DOCK3: variants seen among roughly 807,000 people sequenced by gnomAD.
DOCK3 encodes the protein dedicator of cytokinesis protein 3.
A neutral mutation model predicts 265.6 loss-of-function variants in DOCK3; 60 were observed. That is an observed-to-expected ratio of 0.23 (90% CI 0.18 to 0.28). The LOEUF (loss-of-function observed/expected upper bound fraction) is 0.28. Among genes scored for constraint, DOCK3 ranks in the 10% least tolerant of loss-of-function variants. The pLI is 1.00. For missense variants in DOCK3, 1,981 were observed against 2,594.3 expected, an observed-to-expected ratio of 0.76 and a Z score of 5.14; for synonymous variants, 881 against 938.0, an observed-to-expected ratio of 0.94 and a Z score of 1.11.
chr3:50,691,605 G>A (rs1270691749), intron 1 of DOCK3, among the ~76,000 whole-genome samples: 2 of 152,154 alleles, frequency 1.3e-5, no homozygotes, highest in Admixed American at 6.6e-5. Flanking sequence ...TGAACAATAT[G>A]ATAATTCTGT....
chr3:51,294,418 C>T lies in DOCK3; in HGVS notation c.2922+14214C>T, dbSNP rs2081959866. On this transcript the variant is annotated intron_variant, in intron 27 of 52. Transcript: ENST00000266037. ...TCGAGGCTGGGCGCAGTAGCTCAAG[C>T]CTGTAATTCCAGCACTTTGGGAGGC... is the stretch of plus-strand genomic sequence containing the variant. Among the ~76,000 whole-genome samples the T allele has an allele frequency of 2.6e-5, 4 of 152,086 alleles. No individual in the cohort carries two copies. In the South Asian group the frequency reaches 8.3e-4, roughly 31 times the overall value.
chr3:51,238,119 C>CTTTTTTTTTT (rs747331452), intron 21 of DOCK3, among the ~76,000 whole-genome samples: 1 of 47,438 alleles, frequency 2.1e-5, no homozygotes, highest in Non-Finnish European at 3.7e-5. Flanking sequence ...ATATTTACCA[C>CTTTTTTTTTT]TTTTTTTTTT....
chr3:51,155,179 C>T (rs1181845853), intron 10 of DOCK3, among the ~76,000 whole-genome samples: 1 of 151,808 alleles, frequency 6.6e-6, no homozygotes, highest in African/African-American at 2.4e-5. Flanking sequence ...TGCTATTTTG[C>T]CCAGGCTGGT....
At chr3:51,166,978 A>G (rs1171158144) in intron 12 of DOCK3, among the ~76,000 whole-genome samples, 1 of 152,026 alleles carries the variant, frequency 6.6e-6, no homozygotes, top group Non-Finnish European at 1.5e-5. Context: ...ATATAGTTCC[A>G]TTTATTTATT....
rs555343423 is a variant in DOCK3, at chr3:50,741,451, A to G, written c.38-37224A>G. Among the ~76,000 whole-genome samples the G allele has an allele frequency of 6.2e-3, 752 of 120,980 alleles. 11 individuals are homozygous for G. Among genetic ancestry groups the G allele is most frequent in the Non-Finnish European group, 3.7e-3 (227 of 61,646 alleles). The allele number at this position is 120,980 out of a possible 152,430, so 79.4% of individuals were successfully genotyped here. ...CCCCCCACCCCACAACAGTCCGCAG[A>G]GTGTGATGTTCCCCTCCCTGTGTCC... On this transcript the variant is annotated intron_variant, in intron 1 of 52. Transcript: ENST00000266037.
rs1576430560 is a variant in DOCK3, at chr3:51,214,069, A to G, written c.1127-53A>G. The G allele has an allele frequency of 3.1e-6, 5 of 1,609,134 alleles. No individual in the cohort carries two copies. The East Asian group carries it at 1.1e-4, about 36-fold the overall frequency. On this transcript the variant is annotated intron_variant, in intron 13 of 52. Transcript: ENST00000266037. ...AAAATGTGACTGTGTCTTTTCAAGT[A>G]CTATATAACAGGGTAGAACTGTGGT... is the stretch of plus-strand genomic sequence containing the variant.
At chr3:51,162,220 TTTTTCTGTA>T (rs1278525475) in intron 12 of DOCK3, among the ~76,000 whole-genome samples, 1 of 152,216 alleles carries the variant, frequency 6.6e-6, no homozygotes, top group Non-Finnish European at 1.5e-5. Flanking sequence ...CGTATAGATA[TTTTTCTGTA>T]TTATCTGTTG....
chr3:50,912,503 C>T (rs1375422007), intron 4 of DOCK3, among the ~76,000 whole-genome samples: 6 of 152,162 alleles, frequency 3.9e-5, no homozygotes, highest in Non-Finnish European at 5.9e-5. Context: ...CAAAGCCAGC[C>T]AGGCCTGTGT....
At chr3:50,992,557 A>G (rs982502965) in intron 5 of DOCK3, among the ~76,000 whole-genome samples, 2 of 152,224 alleles carry the variant, frequency 1.3e-5, no homozygotes, top group Admixed American at 1.3e-4. Context: ...TCAGCCTCCC[A>G]AAGTGCTGGG....
chr3:50,937,612 C>T (rs796471726), intron 5 of DOCK3, among the ~76,000 whole-genome samples: 15 of 150,378 alleles, frequency 1.0e-4, no homozygotes, highest in African/African-American at 3.2e-4. Flanking sequence ...GCAGAGATGA[C>T]GCCAGTGCAC....
At chr3:51,084,211 T>TA (rs1349798171) in intron 7 of DOCK3, among the ~76,000 whole-genome samples, 10 of 152,000 alleles carry the variant, frequency 6.6e-5, no homozygotes, top group African/African-American at 2.4e-4. Context: ...TTGCAAGAGA[T>TA]AAAGACATCC....
intron 1 of DOCK3, among the ~76,000 whole-genome samples, chr3:50,743,830 CT>C (rs1435094266): frequency 6.6e-6 from 1 of 152,138 alleles, no homozygotes; most frequent in Non-Finnish European, 1.5e-5. Context: ...TTCTGTTTAA[CT>C]TTTTGAGTAA....
At chr3:51,325,106 G>T (rs1047776007) in intron 32 of DOCK3, among the ~76,000 whole-genome samples, 3 of 151,962 alleles carry the variant, frequency 2.0e-5, no homozygotes, top group African/African-American at 7.3e-5. Flanking sequence ...CACAGCAAAA[G>T]AAACTATCAT....
intron 5 of DOCK3, among the ~76,000 whole-genome samples, chr3:50,983,034 T>C (rs2077753132): frequency 6.6e-6 from 1 of 152,112 alleles, no homozygotes. Context: ...GCTCAGATCT[T>C]GGAGCAGGGT....
intron 3 of DOCK3, among the ~76,000 whole-genome samples, chr3:50,850,994 A>C (rs1412570239): frequency 6.6e-6 from 1 of 152,194 alleles, no homozygotes; most frequent in African/African-American, 2.4e-5. Context: ...GGGGTCCATG[A>C]TGGGTAGGGT....
chr3:51,220,685 A>ATGTGTGTGTG (rs1188634968), intron 14 of DOCK3, among the ~76,000 whole-genome samples: 146 of 38,976 alleles, frequency 3.7e-3, no homozygotes, highest in Non-Finnish European at 6.9e-3. Context: ...ATATATATAT[A>ATGTGTGTGTG]TATGTGTGTG....
At chr3:50,968,834 G>A (rs915981221) in intron 5 of DOCK3, among the ~76,000 whole-genome samples, 1 of 152,198 alleles carries the variant, frequency 6.6e-6, no homozygotes, top group Non-Finnish European at 1.5e-5. Flanking sequence ...ACAGGCGTGA[G>A]CCACTGTGCC....
chr3:50,755,722 T>A (rs1256036238), intron 1 of DOCK3, among the ~76,000 whole-genome samples: 1 of 152,214 alleles, frequency 6.6e-6, no homozygotes, highest in Non-Finnish European at 1.5e-5. Flanking sequence ...GTCCATGTAT[T>A]TGCCTATACT....
chr3:51,276,046 A>G (rs1048209228), intron 25 of DOCK3, among the ~76,000 whole-genome samples: 1 of 152,236 alleles, frequency 6.6e-6, no homozygotes, highest in Non-Finnish European at 1.5e-5. Flanking sequence ...TTTCACATGC[A>G]TTTAAAATGA....
Sources: allele counts gnomAD v4.1 joint callset (sites outside exome capture counted in the v4.1 genomes callset), GRCh38; gene constraint gnomAD v4.1.1; transcripts MANE v1.5; gene names NCBI Gene and HGNC (gene_info 2026-07-23, HGNC 2026-07-21).